SH3GL2: variants seen among roughly 807,000 people sequenced by gnomAD.
SH3GL2 encodes endophilin-A1.
Under a neutral mutation model 46.0 loss-of-function variants are expected in SH3GL2, and 24 were observed. The ratio of observed to expected loss-of-function variants is 0.52; its 90% CI spans 0.38 to 0.73. The LOEUF is 0.73. Among genes scored for constraint, SH3GL2 ranks in the 30% least tolerant of loss-of-function variants. The probability of loss-of-function intolerance (pLI) is 0.00; values close to 1 mark genes in which losing one functional copy is unlikely to be tolerated. For missense variants in SH3GL2, 413 were observed against 424.2 expected (o/e 0.97, Z 0.23); for synonymous variants, 196 against 147.1 (o/e 1.33, Z -2.40).
At chr9:17,715,280 AT>A (rs1487928774) in intron 1 of SH3GL2, among the ~76,000 whole-genome samples, 5 of 148,154 alleles carry the variant, frequency 3.4e-5, no homozygotes, top group Non-Finnish European at 6.0e-5. Context: ...TATGAATATG[AT>A]TTCCTTTGAT....
At chr9:17,642,323 G>C (rs981629236) in intron 1 of SH3GL2, among the ~76,000 whole-genome samples, 1 of 152,144 alleles carries the variant, frequency 6.6e-6, no homozygotes, top group Non-Finnish European at 1.5e-5. Flanking sequence ...TGTTCACTCT[G>C]ATGATAGTTT....
chr9:17,791,367 A>G (rs776591879), intron 7 of SH3GL2, 33 bp downstream of exon 7: 3 of 1,316,588 alleles, frequency 2.3e-6, no homozygotes, highest in East Asian at 4.6e-5. Context: ...TCACATTTGC[A>G]TTTTATTGCT....
chr9:17,736,435 C>A (rs1822337144), intron 1 of SH3GL2, among the ~76,000 whole-genome samples: 1 of 152,036 alleles, frequency 6.6e-6, no homozygotes, highest in African/African-American at 2.4e-5. Flanking sequence ...TTGCATGCCC[C>A]CTGGTTGTCC....
intron 1 of SH3GL2, among the ~76,000 whole-genome samples, chr9:17,743,941 T>C (rs1822607136): frequency 6.6e-6 from 1 of 152,198 alleles, no homozygotes; most frequent in Non-Finnish European, 1.5e-5. Context: ...GTCTGTTTTT[T>C]AAATGAAATT....
chr9:17,792,542 T>C (rs1170279292), intron 7 of SH3GL2, among the ~76,000 whole-genome samples: 1 of 152,222 alleles, frequency 6.6e-6, no homozygotes, highest in Non-Finnish European at 1.5e-5. Context: ...GCCATACCTT[T>C]CCAATTTCCT....
chr9:17,745,741 A>G (rs1822664095), intron 1 of SH3GL2, among the ~76,000 whole-genome samples: 1 of 152,136 alleles, frequency 6.6e-6, no homozygotes, highest in Non-Finnish European at 1.5e-5. Flanking sequence ...GGAGCAGGGT[A>G]TCCAGGGGCC....
chr9:17,779,593 C>T (rs1588329016), intron 3 of SH3GL2, among the ~76,000 whole-genome samples: 1 of 152,250 alleles, frequency 6.6e-6, no homozygotes. Context: ...AAGCTCCTGG[C>T]TTAGAGTAGA....
Position 17,795,674 on chromosome 9 carries a change from G to A in SH3GL2, c.990G>A (p.Gly330=). Residue 330 remains glycine (G), a synonymous_variant, in exon 9 of 9, where the codon GGG becomes GGA. Coordinates refer to ENST00000380607, the MANE Select transcript of SH3GL2 (RefSeq NM_003026.5). ...TNQIDENWYE[G]MLHGHSGFFP... is the part of the protein sequence containing the mutation. The stretch of plus-strand genomic sequence containing the variant: ...AAATTGATGAGAACTGGTATGAGGG[G>A]ATGCTGCATGGCCATTCAGGCTTCT... The A allele has an allele frequency of 6.2e-7, 1 of 1,614,056 alleles. No individual in the cohort carries two copies. The highest frequency in any genetic ancestry group is 2.2e-5 in the East Asian group (1 of 44,836).
intron 2 of SH3GL2, chr9:17,755,722 A>T (rs1822968342): frequency 1.1e-6 from 1 of 937,816 alleles, no homozygotes. Context: ...GGTATCTAAT[A>T]GTATGAAATC....
chr9:17,595,935 G>A (rs1818561796), intron 1 of SH3GL2, among the ~76,000 whole-genome samples: 2 of 152,084 alleles, frequency 1.3e-5, no homozygotes, highest in African/African-American at 4.8e-5. Context: ...TGGTCAGTGG[G>A]TTTATGGGTG....
intron 1 of SH3GL2, among the ~76,000 whole-genome samples, chr9:17,691,895 T>C (rs528780060): frequency 1.3e-5 from 2 of 152,280 alleles, no homozygotes; most frequent in African/African-American, 4.8e-5. Flanking sequence ...TGATGTTCTT[T>C]GAGAGTACAT....
rs187209546 is a variant in SH3GL2 at position 17,597,403 on chromosome 9, G to C, written c.45+18116G>C. ...ATGGTGGCACATGCCTGTAATGCCA[G>C]CTACTCGGGAGGCCGAGGCAGGAGA... On this transcript the variant is annotated intron_variant, in intron 1 of 8. Coordinates refer to ENST00000380607, the MANE Select transcript of SH3GL2 (RefSeq NM_003026.5). 3.5e-3 allele frequency among the ~76,000 whole-genome samples: 538 copies of C among 152,180 alleles called. 1 individual carries two copies. The highest frequency in any genetic ancestry group is 0.012 in the African/African-American group (515 of 41,526).
intron 1 of SH3GL2, among the ~76,000 whole-genome samples, chr9:17,629,337 T>C (rs938667109): frequency 9.9e-5 from 15 of 152,214 alleles, no homozygotes; most frequent in Admixed American, 2.0e-4. Flanking sequence ...AATTGTGAGA[T>C]CACGTCTGTG....
At chr9:17,713,795 A>G (rs1171859996) in intron 1 of SH3GL2, among the ~76,000 whole-genome samples, 5 of 151,720 alleles carry the variant, frequency 3.3e-5, no homozygotes, top group Non-Finnish European at 7.4e-5. Context: ...TTTTATGGTC[A>G]AGAATATTGC....
In SH3GL2 at chr9:17,712,701, A is replaced by G. The variant is rs182743444; in HGVS notation, c.46-34365A>G. Among the ~76,000 whole-genome samples, 3 of 151,926 alleles carry G rather than the reference A, an allele frequency of 2.0e-5. No individual in the cohort carries two copies. The East Asian group carries it at 5.8e-4, about 29-fold the overall frequency. ...CTGATGCCAATACCTCCTTGATTAC[A>G]GTAGCTTTATGATAAGTCTTGAAAT... On this transcript the variant is annotated intron_variant, in intron 1 of 8. Coordinates refer to ENST00000380607, the MANE Select transcript of SH3GL2 (RefSeq NM_003026.5).
At chr9:17,738,481 T>G in intron 1 of SH3GL2, among the ~76,000 whole-genome samples, 1 of 114,764 alleles carries the variant, frequency 8.7e-6, no homozygotes, top group South Asian at 3.0e-4. Flanking sequence ...CATACTTATG[T>G]ATACACACAC....
chr9:17,586,924 C>T (rs1046734347), intron 1 of SH3GL2, among the ~76,000 whole-genome samples: 5 of 152,146 alleles, frequency 3.3e-5, no homozygotes, highest in African/African-American at 7.2e-5. Flanking sequence ...TACAGGAAAT[C>T]GGCTGGGTGC....
At chr9:17,790,480 T>A (rs1824095238) in intron 6 of SH3GL2, 1 of 919,242 alleles carries the variant, frequency 1.1e-6, no homozygotes, top group Non-Finnish European at 1.3e-6. Flanking sequence ...GGTTTTTGTT[T>A]ATGTAAAACA....
At chr9:17,723,015 C>T (rs1480593586) in intron 1 of SH3GL2, among the ~76,000 whole-genome samples, 1 of 152,132 alleles carries the variant, frequency 6.6e-6, no homozygotes, top group African/African-American at 2.4e-5. Flanking sequence ...ATGACTAGCA[C>T]TGTACAGTCA....
Sources: gnomAD v4.1 joint callset for allele counts (sites outside exome capture counted in the v4.1 genomes callset) on GRCh38, gnomAD v4.1.1 for gene constraint, MANE v1.5 for transcripts, NCBI Gene and HGNC (gene_info 2026-07-23, HGNC 2026-07-21) for gene names.